Variants in ABI1 observed in about 807,000 individuals in gnomAD.
ABI1 encodes abl interactor 1, also known as Abelson interactor 1.
In ABI1, 14 loss-of-function variants were observed where a neutral mutation model predicts 54.6. That is an observed-to-expected ratio of 0.26 (90% confidence interval 0.17 to 0.40). The LOEUF is 0.40. Ranked by LOEUF, ABI1 falls within the 10% of genes least tolerant of loss-of-function variation. The pLI, the probability that ABI1 is intolerant of heterozygous loss-of-function variation, is 1.00. For missense variants in ABI1, 443 were observed against 598.3 expected (o/e 0.74, Z 2.71); for synonymous variants, 194 against 209.3 (o/e 0.93, Z 0.63).
At chr10:26,845,987 T>A (rs1221224786) in intron 1 of ABI1, among the ~76,000 whole-genome samples, 3 of 151,556 alleles carry the variant, frequency 2.0e-5, no homozygotes, top group Non-Finnish European at 2.9e-5. Context: ...TACAAAAAAA[T>A]ACAAAAAGTA....
chr10:26,758,167 C>A (rs909651597), intron 8 of ABI1, among the ~76,000 whole-genome samples: 1 of 151,440 alleles, frequency 6.6e-6, no homozygotes, highest in Admixed American at 6.6e-5. Flanking sequence ...AAAGCAACCT[C>A]CTATGTAAAT....
At chr10:26,764,690 G>A (rs1307411267) in intron 7 of ABI1, among the ~76,000 whole-genome samples, 3 of 152,106 alleles carry the variant, frequency 2.0e-5, no homozygotes, top group South Asian at 4.1e-4. Flanking sequence ...AAAAATAGAT[G>A]GCTACATCTG....
At chr10:26,853,512 C>G (rs1464825439) in intron 1 of ABI1, among the ~76,000 whole-genome samples, 1 of 149,486 alleles carries the variant, frequency 6.7e-6, no homozygotes, top group African/African-American at 2.5e-5. Flanking sequence ...TTAGCATTAA[C>G]TATCAATTTT....
rs1470821604 is a variant in ABI1 at position 26,843,465 on chromosome 10, AAAAAAAAAAAAAAAAAAAAAATATAT to A, written c.117+17256_117+17281del. 5.9e-3 allele frequency among the ~76,000 whole-genome samples: 466 copies of A among 78,662 alleles called. 1 individual carries two copies. The highest frequency in any genetic ancestry group is 0.011 in the South Asian group (25 of 2,332). 51.6% of individuals were successfully genotyped at this position (78,662 alleles called of 152,430 possible). On this transcript the variant is annotated intron_variant, in intron 1 of 10. Coordinates refer to ENST00000376140, the MANE Select transcript of ABI1 (RefSeq NM_001012750.3). Reference sequence around the variant, plus strand: ...CAAGACTCCGTCTCAAAAAAAAAAAAAAAAAAAAAAAAAAAAAAAAATATATATATATATATATATATATATATATG... The same window carrying A: ...CAAGACTCCGTCTCAAAAAAAAAAAAATATATATATATATATATATATATG...
chr10:26,766,956 G>A (rs915564449), intron 6 of ABI1, among the ~76,000 whole-genome samples: 1 of 152,204 alleles, frequency 6.6e-6, no homozygotes, highest in Non-Finnish European at 1.5e-5. Flanking sequence ...TACAATGACA[G>A]ATCTGAGTAA....
chr10:26,830,570 T>C (rs1467122730), intron 1 of ABI1, among the ~76,000 whole-genome samples: 1 of 149,626 alleles, frequency 6.7e-6, no homozygotes, highest in East Asian at 2.0e-4. Flanking sequence ...CAATGAGCTG[T>C]GATTGCACCA....
intron 2 of ABI1, among the ~76,000 whole-genome samples, chr10:26,791,068 C>CAAAAAA (rs369738380): frequency 1.4e-4 from 8 of 59,122 alleles, no homozygotes; most frequent in Admixed American, 4.4e-4. Flanking sequence ...GATTCCGTCT[C>CAAAAAA]AAAAAAAAAA....
At chr10:26,846,428 C>G (rs1460982804) in intron 1 of ABI1, among the ~76,000 whole-genome samples, 1 of 151,530 alleles carries the variant, frequency 6.6e-6, no homozygotes, top group African/African-American at 2.4e-5. Flanking sequence ...CTGCAACCTC[C>G]GCCTCCCAGG....
In ABI1 at chr10:26,777,652, G is replaced by A. The variant is rs530083536; in HGVS notation, c.286-411C>T. Among the ~76,000 whole-genome samples, 3 of 152,246 alleles carry A rather than the reference G, an allele frequency of 2.0e-5. No individual in the cohort carries two copies. In the East Asian group the frequency reaches 5.8e-4, roughly 29 times the overall value. On this transcript the variant is annotated intron_variant, in intron 2 of 10. Transcript: ENST00000376140. ...CAGCCAGGCATGGTGGCATGTGCCT[G>A]TGGTCCCAGCTACTGGGGACATGAA...
At chr10:26,825,624 G>A (rs925471336) in intron 1 of ABI1, among the ~76,000 whole-genome samples, 5 of 152,142 alleles carry the variant, frequency 3.3e-5, no homozygotes, top group East Asian at 1.9e-4. Context: ...CCGTGCCACC[G>A]TACTCCAACC....
intron 1 of ABI1, among the ~76,000 whole-genome samples, chr10:26,835,799 TG>T (rs1173612477): frequency 6.7e-6 from 1 of 149,680 alleles, no homozygotes; most frequent in African/African-American, 2.5e-5. Context: ...TTTTTGAGAC[TG>T]GGTCCAGGCT....
intron 3 of ABI1, among the ~76,000 whole-genome samples, chr10:26,773,238 G>A (rs796896122): frequency 6.2e-4 from 35 of 56,186 alleles, no homozygotes; most frequent in African/African-American, 3.8e-3. Flanking sequence ...TGCTGGCTCT[G>A]TTGCCCAGGA....
At chr10:26,846,141 CAAA>C (rs76596179) in intron 1 of ABI1, among the ~76,000 whole-genome samples, 1 of 122,656 alleles carries the variant, frequency 8.2e-6, no homozygotes, top group African/African-American at 3.0e-5. Flanking sequence ...GACTCCGTCT[CAAA>C]AAAAAAAAAA....
intron 1 of ABI1, among the ~76,000 whole-genome samples, chr10:26,824,601 T>C (rs1036377569): frequency 6.6e-6 from 1 of 151,340 alleles, no homozygotes; most frequent in Admixed American, 6.6e-5. Context: ...TCCAGAATAT[T>C]GCTAAGGTGA....
intron 2 of ABI1, among the ~76,000 whole-genome samples, chr10:26,796,763 C>A (rs549724172): frequency 9.9e-5 from 15 of 152,148 alleles, no homozygotes; most frequent in Non-Finnish European, 2.1e-4. Flanking sequence ...CACAGCAGTC[C>A]CCTTTTTGGC....
At chr10:26,852,309 G>C (rs1380006875) in intron 1 of ABI1, among the ~76,000 whole-genome samples, 4 of 151,968 alleles carry the variant, frequency 2.6e-5, no homozygotes, top group African/African-American at 9.7e-5. Context: ...GAGAAACCCT[G>C]TCTCTACTAA....
At chr10:26,762,335 G>C (rs1015302276) in intron 7 of ABI1, among the ~76,000 whole-genome samples, 1 of 152,128 alleles carries the variant, frequency 6.6e-6, no homozygotes. Context: ...ATAGACTGCT[G>C]TATTATAACA....
At chr10:26,760,109 C>T in intron 7 of ABI1, among the ~76,000 whole-genome samples, 1 of 151,568 alleles carries the variant, frequency 6.6e-6, no homozygotes, top group Non-Finnish European at 1.5e-5. Context: ...TTAGCATGCT[C>T]ATATATTTTC....
intron 1 of ABI1, among the ~76,000 whole-genome samples, chr10:26,854,988 A>G (rs560134509): frequency 3.9e-4 from 59 of 151,608 alleles, no homozygotes; most frequent in Non-Finnish European, 6.9e-4. Context: ...TGGAAATCCA[A>G]AACCCAAAAC....
Sources: allele counts gnomAD v4.1 joint callset (sites outside exome capture counted in the v4.1 genomes callset), GRCh38; gene constraint gnomAD v4.1.1; transcripts MANE v1.5; gene names NCBI Gene and HGNC (gene_info 2026-07-23, HGNC 2026-07-21).